The following PACRG variants were observed in gnomAD, a reference collection of about 807,000 sequenced individuals.
PACRG encodes the protein parkin coregulated gene protein.
A neutral mutation model predicts 29.7 loss-of-function variants in PACRG; 29 were observed. That is an observed-to-expected ratio of 0.98 (90% CI 0.73 to 1.33). PACRG has a LOEUF of 1.33. Among genes scored for constraint, PACRG ranks in the 40% most tolerant of loss-of-function variants. The probability of loss-of-function intolerance (pLI) is 0.00; values close to 1 mark genes in which losing one functional copy is unlikely to be tolerated. For missense variants in PACRG, 279 were observed against 316.2 expected (o/e 0.88, Z 0.89); for synonymous variants, 116 against 118.7 (o/e 0.98, Z 0.15).
At chr6:162,784,551 GTTGT>G (rs966146703) in intron 1 of PACRG, among the ~76,000 whole-genome samples, 5 of 152,042 alleles carry the variant, frequency 3.3e-5, no homozygotes, top group Non-Finnish European at 7.4e-5. Flanking sequence ...TTGTTTTATT[GTTGT>G]TTGTCATAGC....
intron 1 of PACRG, among the ~76,000 whole-genome samples, chr6:162,750,689 A>T (rs1562560675): frequency 6.6e-6 from 1 of 152,212 alleles, no homozygotes; most frequent in Non-Finnish European, 1.5e-5. Context: ...TTTCATCAGT[A>T]AATAAGACTA....
intron 2 of PACRG, among the ~76,000 whole-genome samples, chr6:162,987,213 C>T (rs1055060157): frequency 3.3e-5 from 5 of 152,078 alleles, no homozygotes; most frequent in Non-Finnish European, 7.4e-5. Flanking sequence ...GAGTTGATCC[C>T]TTGATGTGTT....
intron 4 of PACRG, among the ~76,000 whole-genome samples, chr6:163,114,265 C>G (rs929553843): frequency 1.3e-5 from 2 of 152,096 alleles, no homozygotes; most frequent in Admixed American, 6.5e-5. Flanking sequence ...ACAACAACAA[C>G]AACAAAACCT....
intron 4 of PACRG, among the ~76,000 whole-genome samples, chr6:163,181,675 G>GT (rs1471039286): frequency 1.5e-5 from 2 of 134,204 alleles, no homozygotes; most frequent in Non-Finnish European, 3.2e-5. Flanking sequence ...ATGTATTTTT[G>GT]TTTTTTACAA....
At chr6:162,909,349 A>G (rs1177458742) in intron 2 of PACRG, among the ~76,000 whole-genome samples, 1 of 151,736 alleles carries the variant, frequency 6.6e-6, no homozygotes, top group Non-Finnish European at 1.5e-5. Context: ...AGGTCAGGAG[A>G]TCGAGACCAT....
chr6:163,054,530 G>C lies in PACRG; in HGVS notation c.292-7620G>C, dbSNP rs140243366. ...ACAGTGCGTTCGAAGAGTCCCTAAG[G>C]AGGAACTGCTGCGGGACTTTTCCTT... is the stretch of plus-strand genomic sequence containing the variant. On this transcript the variant is annotated intron_variant, in intron 2 of 4. Transcript: ENST00000366888. Among the ~76,000 whole-genome samples the C allele has an allele frequency of 1.1e-4, 17 of 152,312 alleles. No individual in the cohort carries two copies. In the East Asian group the frequency reaches 3.1e-3, roughly 28 times the overall value.
Position 162,830,603 on chromosome 6 carries a change from A to T in PACRG, c.291+16322A>T, listed in dbSNP as rs552688913. 3.3e-5 allele frequency among the ~76,000 whole-genome samples: 5 copies of T among 152,382 alleles called. No homozygotes were observed. The South Asian group carries it at 1.0e-3, about 32-fold the overall frequency. On this transcript the variant is annotated intron_variant, in intron 2 of 4. Coordinates refer to ENST00000366888, the MANE Select transcript of PACRG (RefSeq NM_001080379.2). Reference sequence around the variant, plus strand: ...CAGGCAAAACACTGGGATAAGAAAGACATTTTGTCTGTGGCTCTCGCTACC... The same window carrying T: ...CAGGCAAAACACTGGGATAAGAAAGTCATTTTGTCTGTGGCTCTCGCTACC...
chr6:162,995,730 C>T lies in PACRG; in HGVS notation c.292-66420C>T, dbSNP rs539240563. On this transcript the variant is annotated intron_variant, in intron 2 of 4. Transcript: ENST00000366888. ...GTCGCTCACGCTGGGAGCTGTAGAC[C>T]GGAGCTGTTCCTATTCGGCCATCTT... Among the ~76,000 whole-genome samples the T allele has an allele frequency of 8.5e-5, 13 of 152,272 alleles. No individual in the cohort carries two copies. In the East Asian group the frequency reaches 9.7e-4, roughly 11 times the overall value.
At chr6:163,090,933 A>G (rs539968792) in intron 4 of PACRG, among the ~76,000 whole-genome samples, 1 of 152,316 alleles carries the variant, frequency 6.6e-6, no homozygotes, top group Non-Finnish European at 1.5e-5. Flanking sequence ...ATGTACTATT[A>G]CTATTTCCAT....
rs150156709 is a variant in PACRG at position 162,750,236 on chromosome 6, C to T, written c.156+21845C>T. On this transcript the variant is annotated intron_variant, in intron 1 of 4. Transcript: ENST00000366888. ...AATTTTATTTCAGCCTTAGGCCAAC[C>T]GCTGGCTTTCTTGCCAACCTAGATG... Among the ~76,000 whole-genome samples, 103 of 152,266 alleles carry T rather than the reference C, an allele frequency of 6.8e-4. No individual in the cohort carries two copies. The East Asian group carries it at 0.01, about 15-fold the overall frequency.
chr6:162,818,680 T>G (rs572555346), intron 2 of PACRG, among the ~76,000 whole-genome samples: 1 of 152,308 alleles, frequency 6.6e-6, no homozygotes, highest in Non-Finnish European at 1.5e-5. Context: ...TAAAGGTGTC[T>G]CTAAAATCTT....
chr6:162,771,530 A>T (rs1783219394), intron 1 of PACRG, among the ~76,000 whole-genome samples: 1 of 152,068 alleles, frequency 6.6e-6, no homozygotes, highest in Non-Finnish European at 1.5e-5. Flanking sequence ...TCAGTGCAGC[A>T]TCCACTACAG....
rs148394737 is a variant in PACRG at position 163,276,633 on chromosome 6, G to A, written c.614-38194G>A. Among the ~76,000 whole-genome samples, 195 of 152,322 alleles carry A rather than the reference G, an allele frequency of 1.3e-3. 2 individuals carry two copies. The highest frequency in any genetic ancestry group is 2.1e-3 in the Non-Finnish European group (145 of 68,026). ...CATATGTTGAAATCTAATGTCCAACGCAAAGTATTAAGAAGTGAGGCCTTT... is the reference window on the plus strand; with the variant it reads ...CATATGTTGAAATCTAATGTCCAACACAAAGTATTAAGAAGTGAGGCCTTT... On this transcript the variant is annotated intron_variant, in intron 4 of 4. Coordinates refer to ENST00000366888, the MANE Select transcript of PACRG (RefSeq NM_001080379.2).
chr6:163,184,398 C>T (rs1779817811), intron 4 of PACRG, among the ~76,000 whole-genome samples: 1 of 152,176 alleles, frequency 6.6e-6, no homozygotes, highest in Non-Finnish European at 1.5e-5. Flanking sequence ...AGTAACACTG[C>T]CCCTGATAAC....
chr6:162,958,850 C>CAT lies in PACRG; in HGVS notation c.292-103266_292-103265dup, dbSNP rs369783608. On this transcript the variant is annotated intron_variant, in intron 2 of 4. Transcript: ENST00000366888. The stretch of plus-strand genomic sequence containing the variant: ...GTGTATATATAGAGCATATATAGAG[C>CAT]ATATATATATATATATATATATATA... Among the ~76,000 whole-genome samples, 402 of 48,570 alleles carry CAT rather than the reference C, an allele frequency of 8.3e-3. 6 individuals are homozygous for CAT. Among genetic ancestry groups the CAT allele is most frequent in the Non-Finnish European group, 9.4e-3 (260 of 27,730 alleles). The allele number at this position is 48,570 out of a possible 152,430, so 31.9% of individuals were successfully genotyped here.
chr6:163,273,165 T>TAGA (rs1783904526), intron 4 of PACRG, among the ~76,000 whole-genome samples: 1 of 146,730 alleles, frequency 6.8e-6, no homozygotes, highest in Non-Finnish European at 1.5e-5. Context: ...AGTGCTGGGA[T>TAGA]TACAGGCGTG....
At chr6:163,256,778 T>C (rs1012752960) in intron 4 of PACRG, among the ~76,000 whole-genome samples, 1 of 152,186 alleles carries the variant, frequency 6.6e-6, no homozygotes, top group African/African-American at 2.4e-5. Context: ...GGGAGGTCCA[T>C]GTCCTGGGGA....
rs139571719 is a variant in PACRG, at chr6:163,018,418, CAAG to C, written c.292-43728_292-43726del. ...GAATCTTTTCCTCTAGTAGAATCCT[CAAG>C]AAGTTTTCATGAGACCAGTATTCCC... On this transcript the variant is annotated intron_variant, in intron 2 of 4. Transcript: ENST00000366888. Among the ~76,000 whole-genome samples the C allele has an allele frequency of 6.9e-3, 1,056 of 152,276 alleles. 8 individuals carry two copies. The highest frequency in any genetic ancestry group is 0.024 in the African/African-American group (984 of 41,562).
intron 4 of PACRG, among the ~76,000 whole-genome samples, chr6:163,105,077 C>G (rs1345188904): frequency 6.6e-6 from 1 of 152,050 alleles, no homozygotes; most frequent in African/African-American, 2.4e-5. Context: ...TTTCTACCTA[C>G]TTTTACTAGA....
Sources: gnomAD v4.1 joint callset for allele counts (sites outside exome capture counted in the v4.1 genomes callset) on GRCh38, gnomAD v4.1.1 for gene constraint, MANE v1.5 for transcripts, NCBI Gene and HGNC (gene_info 2026-07-23, HGNC 2026-07-21) for gene names.